The following AK8 variants were observed in gnomAD, a reference collection of about 807,000 sequenced individuals.
AK8 encodes the protein adenylate kinase 8, also known as ATP-AMP transphosphorylase 8.
A neutral mutation model predicts 54.6 loss-of-function variants in AK8; 44 were observed. The observed-to-expected ratio is 0.81, with a 90% CI of 0.63 to 1.04. AK8 has a LOEUF of 1.04. Ranked by LOEUF, AK8 falls within the 50% of genes least tolerant of loss-of-function variation. The pLI, the probability that AK8 is intolerant of heterozygous loss-of-function variation, is 0.00. For synonymous variants in AK8, 239 were observed against 245.6 expected, an observed-to-expected ratio of 0.97 and a Z score of 0.25; for missense variants, 555 against 613.6, an observed-to-expected ratio of 0.90 and a Z score of 1.01.
In AK8 at chr9:132,792,688, G is replaced by T; in HGVS notation, c.1067C>A (p.Pro356Gln). 1.3e-6 allele frequency: 2 copies of T among 1,556,104 alleles called. No individual in the cohort carries two copies. Among genetic ancestry groups the T allele is most frequent in the Non-Finnish European group, 1.7e-6 (2 of 1,150,284 alleles). ...CAGGTGTGCCTGGTCGAGGTCCCGC[G>T]GGACGCCGTGTAGCACCCAGCCTTT... is the stretch of plus-strand genomic sequence containing the variant. ...IQKGWVLHGV[P>Q]RDLDQAHLLN... Residue 356 changes from proline (P) to glutamine (Q), a missense_variant, in exon 11 of 13, where the codon CCG becomes CAG. Physicochemically the swap from Pro to Gln is moderately conservative, Grantham distance 76. Coordinates refer to ENST00000298545, the MANE Select transcript of AK8 (RefSeq NM_152572.3).
intron 11 of AK8, among the ~76,000 whole-genome samples, chr9:132,752,348 C>T: frequency 6.7e-6 from 1 of 149,936 alleles, no homozygotes; most frequent in East Asian, 2.0e-4. Flanking sequence ...CAGCTGGGTT[C>T]ACGCCATTCT....
upstream of AK8, chr9:132,878,698 G>A: frequency 1.0e-6 from 1 of 989,622 alleles, no homozygotes; most frequent in Non-Finnish European, 1.2e-6. The surrounding 1 kb of genome is among the most constrained non-coding windows in gnomAD (Gnocchi z 4.7). Flanking sequence ...TGTTTGAAGG[G>A]GGAGGGGCGT....
rs866414004 is a variant in AK8, at chr9:132,828,052, C to T, written c.517G>A (p.Glu173Lys). The change falls in exon 7 of 13, where the codon GAG becomes AAG. Residue 173 changes from glutamate (E) to lysine (K), a missense_variant. Physicochemically the swap from Glu to Lys is moderately conservative, Grantham distance 56. Transcript: ENST00000298545. ...VLSAPDTVLI[E>K]RNLGKRIDPQ... ...TCGATTCTCTTCCCCAAGTTTCTCT[C>T]GATCAGGACCGTGTCTGGAGCACTC... 28 of 1,572,652 alleles carry T rather than the reference C, an allele frequency of 1.8e-5. No homozygotes were observed. The highest frequency in any genetic ancestry group is 1.7e-4 in the Middle Eastern group (1 of 6,032).
At chr9:132,866,455 A>G (rs748344423) in intron 3 of AK8, among the ~76,000 whole-genome samples, 4 of 152,238 alleles carry the variant, frequency 2.6e-5, no homozygotes, top group Non-Finnish European at 5.9e-5. Context: ...ATACGTGAAT[A>G]TCGATGGTAC....
chr9:132,771,757 G>A (rs1364128455), intron 11 of AK8, among the ~76,000 whole-genome samples: 1 of 151,796 alleles, frequency 6.6e-6, no homozygotes, highest in African/African-American at 2.4e-5. Context: ...GTCACCAGAG[G>A]GGAAAGGCTA....
rs376303247 is a variant in AK8 at position 132,761,435 on chromosome 9, G to A, written c.1121+31199C>T. On this transcript the variant is annotated intron_variant, in intron 11 of 12. Transcript: ENST00000298545. ...GTGCCACCATGCTCGGCTAATTTTG[G>A]TATTTTTAGTAGAGACAGGGTTTCG... Among the ~76,000 whole-genome samples the A allele has an allele frequency of 5.9e-5, 9 of 151,964 alleles. No individual in the cohort carries two copies. The East Asian group carries it at 1.2e-3, about 20-fold the overall frequency.
intron 11 of AK8, among the ~76,000 whole-genome samples, chr9:132,735,055 C>G (rs533531961): frequency 7.2e-5 from 11 of 152,248 alleles, no homozygotes; most frequent in Admixed American, 7.2e-4. Context: ...AATGAAAGCT[C>G]CTTGGGTGGC....
intron 5 of AK8, among the ~76,000 whole-genome samples, chr9:132,834,301 T>C (rs1156519876): frequency 6.6e-6 from 1 of 152,154 alleles, no homozygotes; most frequent in African/African-American, 2.4e-5. Flanking sequence ...ACAATGAGAC[T>C]ACCTTGATGA....
intron 10 of AK8, among the ~76,000 whole-genome samples, chr9:132,795,086 G>C (rs1381496352): frequency 1.3e-5 from 2 of 152,180 alleles, no homozygotes; most frequent in Non-Finnish European, 2.9e-5. Flanking sequence ...TGGGATAAAG[G>C]ATGACAGATT....
At chr9:132,872,568 C>A (rs531058460) in intron 2 of AK8, among the ~76,000 whole-genome samples, 1 of 152,138 alleles carries the variant, frequency 6.6e-6, no homozygotes, top group South Asian at 2.1e-4. Flanking sequence ...TGGCCTCAAG[C>A]GATCCTCCTG....
Position 132,725,653 on chromosome 9 carries a change from C to G in AK8, c.*35G>C. ...GGGGGCTGGGGGCAGGGGATTAACT[C>G]TTTCCCTGGGGCAGCGCTCCTGGCT... On this transcript the variant is annotated 3_prime_UTR_variant, in exon 13 of 13. Coordinates refer to ENST00000298545, the MANE Select transcript of AK8 (RefSeq NM_152572.3). The G allele has an allele frequency of 2.0e-6, 3 of 1,534,344 alleles. 1 individual carries two copies. The highest frequency in any genetic ancestry group is 2.7e-6 in the Non-Finnish European group (3 of 1,128,084).
At chr9:132,761,498 C>G (rs11243906) in intron 11 of AK8, among the ~76,000 whole-genome samples, 1 of 151,902 alleles carries the variant, frequency 6.6e-6, no homozygotes, top group Non-Finnish European at 1.5e-5. Context: ...CCTGGCTTCA[C>G]GTATCTGCCC....
chr9:132,835,102 C>A (rs1434339608), intron 5 of AK8, among the ~76,000 whole-genome samples: 1 of 152,204 alleles, frequency 6.6e-6, no homozygotes, highest in East Asian at 1.9e-4. Flanking sequence ...GATCTCCTGA[C>A]CTCATGATCC....
At chr9:132,732,160 A>C (rs1836873313) in intron 11 of AK8, among the ~76,000 whole-genome samples, 1 of 152,170 alleles carries the variant, frequency 6.6e-6, no homozygotes, top group South Asian at 2.1e-4. Flanking sequence ...TCTCAAAAAA[A>C]ATCCCCTTTT....
intron 2 of AK8, among the ~76,000 whole-genome samples, chr9:132,870,771 T>C (rs1347070128): frequency 1.3e-5 from 2 of 152,130 alleles, no homozygotes; most frequent in Non-Finnish European, 2.9e-5. Flanking sequence ...AGGGTTGAGG[T>C]CCTAGCTATA....
In AK8 at chr9:132,777,650, G is replaced by A. The variant is rs533586420; in HGVS notation, c.1121+14984C>T. 1.1e-3 allele frequency among the ~76,000 whole-genome samples: 172 copies of A among 152,254 alleles called. 1 individual carries two copies. Among genetic ancestry groups the A allele is most frequent in the Non-Finnish European group, 1.7e-3 (119 of 68,014 alleles). ...GGTGGGCGGGGCTACTACTCCCTTT[G>A]ATGGTTAAGGAGACTTGAGGCTTAG... is the stretch of plus-strand genomic sequence containing the variant. On this transcript the variant is annotated intron_variant, in intron 11 of 12. Transcript: ENST00000298545.
intron 4 of AK8, among the ~76,000 whole-genome samples, chr9:132,857,681 C>G (rs193082142): frequency 6.6e-6 from 1 of 152,292 alleles, no homozygotes; most frequent in East Asian, 1.9e-4. Flanking sequence ...CAAACAGGTA[C>G]AGGATGCAGA....
chr9:132,762,287 C>G (rs1838514452), intron 11 of AK8, among the ~76,000 whole-genome samples: 1 of 152,184 alleles, frequency 6.6e-6, no homozygotes, highest in African/African-American at 2.4e-5. Context: ...TTTCTGTTCT[C>G]TCTCCAGCTA....
At chr9:132,828,612 C>T (rs1448994230) in intron 6 of AK8, 33 bp downstream of exon 6, 3 of 1,593,352 alleles carry the variant, frequency 1.9e-6, no homozygotes, top group Non-Finnish European at 1.7e-6. Context: ...GGCTGCAGCT[C>T]TGGCAGGTGG....
Sources: gnomAD v4.1 joint callset for allele counts (sites outside exome capture counted in the v4.1 genomes callset) on GRCh38, gnomAD v4.1.1 for gene constraint, Gnocchi (gnomAD v3.1) non-coding constraint, MANE v1.5 for transcripts, NCBI Gene and HGNC (gene_info 2026-07-23, HGNC 2026-07-21) for gene names.